GTF3C4: variants seen among roughly 807,000 people sequenced by gnomAD.
The protein encoded by GTF3C4 is general transcription factor IIIC subunit 4, also known as general transcription factor 3C polypeptide 4.
A neutral mutation model predicts 67.5 loss-of-function variants in GTF3C4; 28 were observed. That is an observed-to-expected ratio of 0.41 (90% CI 0.31 to 0.57). The LOEUF (loss-of-function observed/expected upper bound fraction) is 0.57. Among genes scored for constraint, GTF3C4 ranks in the 20% least tolerant of loss-of-function variants. The probability of loss-of-function intolerance (pLI) is 0.21; values close to 1 mark genes in which losing one functional copy is unlikely to be tolerated. For synonymous variants in GTF3C4, 409 were observed against 393.0 expected, an observed-to-expected ratio of 1.04 and a Z score of -0.48; for missense variants, 831 against 1,033.2, an observed-to-expected ratio of 0.80 and a Z score of 2.68.
At position 132,692,940 on chromosome 9, in the gene GTF3C4, A is replaced by G. The variant is rs910469056; in HGVS notation, c.*3995A>G. The G allele has an allele frequency of 6.6e-6, 1 of 152,234 alleles. No individual in the cohort carries two copies. The highest frequency in any genetic ancestry group is 6.5e-5 in the Admixed American group (1 of 15,284). The allele number at this position is 152,234 out of a possible 1,614,324, so 9.4% of individuals were successfully genotyped here. On this transcript the variant is annotated 3_prime_UTR_variant, in exon 5 of 5. Transcript: ENST00000372146. ...AAAGATCTGCTTCATGTCTGCTAGCATGGTATCTGCTGTTCAACCTAGTAT... is the reference window on the plus strand; with the variant it reads ...AAAGATCTGCTTCATGTCTGCTAGCGTGGTATCTGCTGTTCAACCTAGTAT...
intron 3 of GTF3C4, among the ~76,000 whole-genome samples, chr9:132,684,850 TC>T (rs949149162): frequency 3.3e-5 from 5 of 152,182 alleles, no homozygotes; most frequent in African/African-American, 1.2e-4. Flanking sequence ...GCATCCTCCT[TC>T]CTTGCGTTAT....
chr9:132,674,264 G>T (rs2130893947), intron 1 of GTF3C4, among the ~76,000 whole-genome samples: 1 of 152,376 alleles, frequency 6.6e-6, no homozygotes, highest in South Asian at 2.1e-4. Flanking sequence ...ACAATTAAAT[G>T]ATTGGCTGCG....
At position 132,688,868 on chromosome 9, in the gene GTF3C4, C is replaced by T; in HGVS notation, c.2405-13C>T. The T allele has an allele frequency of 1.2e-6, 2 of 1,601,070 alleles. No homozygotes were observed. Among genetic ancestry groups the T allele is most frequent in the Non-Finnish European group, 1.7e-6 (2 of 1,168,068 alleles). On this transcript the variant is annotated splice_polypyrimidine_tract_variant and intron_variant, in intron 4 of 4. Transcript: ENST00000372146. ...GAAGCTAACAGTTGATACCACTTGT[C>T]CTCCTTTTGCAGATCCCGACTGGAT... is the stretch of plus-strand genomic sequence containing the variant.
At position 132,670,515 on chromosome 9, in the gene GTF3C4, G is replaced by A. The variant is rs987225385; in HGVS notation, c.-84G>A. 3.5e-6 allele frequency: 4 copies of A among 1,138,082 alleles called. No individual in the cohort carries two copies. Among genetic ancestry groups the A allele is most frequent in the Non-Finnish European group, 4.7e-6 (4 of 854,232 alleles). 70.5% of individuals were successfully genotyped at this position (1,138,082 alleles called of 1,614,324 possible). On this transcript the variant is annotated 5_prime_UTR_variant, in exon 1 of 5. Transcript: ENST00000372146. Reference sequence around the variant, plus strand: ...AGGGGAGAAAACCGCCGCGGAGGGCGCTGGGGGTGGCGGCGGCGGTCCGGG... The same window carrying A: ...AGGGGAGAAAACCGCCGCGGAGGGCACTGGGGGTGGCGGCGGCGGTCCGGG...
chr9:132,692,813 AG>A lies in GTF3C4; in HGVS notation c.*3869del, dbSNP rs1243399892. 7.2e-5 allele frequency: 11 copies of A among 152,226 alleles called. No homozygotes were observed. Among genetic ancestry groups the A allele is most frequent in the African/African-American group, 2.4e-4 (10 of 41,460 alleles). The allele number at this position is 152,226 out of a possible 1,614,324, so 9.4% of individuals were successfully genotyped here. A position where few individuals can be genotyped will look rare whatever the true frequency, so the allele number is the denominator to read the frequency against. Reference sequence around the variant, plus strand: ...TGTTTTTATTTTTGCCATTAGTGCAAGTATCAACTGGCAGCCTCAAACAGCT... The same window carrying A: ...TGTTTTTATTTTTGCCATTAGTGCAATATCAACTGGCAGCCTCAAACAGCT... On this transcript the variant is annotated 3_prime_UTR_variant, in exon 5 of 5. Transcript: ENST00000372146.
rs537917283 is a variant in GTF3C4 at position 132,689,576 on chromosome 9, A to G, written c.*631A>G. ...CCAAGACTAAAATTTAATGTGTCAA[A>G]TGATCTGGTGACTATTATAATGAAT... On this transcript the variant is annotated 3_prime_UTR_variant, in exon 5 of 5. Coordinates refer to ENST00000372146, the MANE Select transcript of GTF3C4 (RefSeq NM_012204.4). 6.5e-6 allele frequency: 1 copy of G among 152,888 alleles called. No homozygotes were observed. Among genetic ancestry groups the G allele is most frequent in the Admixed American group, 6.5e-5 (1 of 15,394 alleles). The allele number at this position is 152,888 out of a possible 1,614,324, so 9.5% of individuals were successfully genotyped here.
At position 132,683,629 on chromosome 9, in the gene GTF3C4, A is replaced by G. The variant is rs773496457; in HGVS notation, c.2251A>G (p.Lys751Glu). ...QTFPEHCSLCKEILPFTDRKQ... is the reference protein window; with the variant it reads ...QTFPEHCSLCEEILPFTDRKQ... ...TTTCCCTGAGCACTGTAGTTTGTGT[A>G]AAGAGATCTTGCCATTCACAGATCG... is the stretch of plus-strand genomic sequence containing the variant. The change falls in exon 3 of 5, where the codon AAA (lysine) becomes GAA (glutamate). Residue 751 changes from lysine to glutamate, a missense_variant. Physicochemically the swap from Lys to Glu is moderately conservative, Grantham distance 56 (BLOSUM62 1). Transcript: ENST00000372146. The G allele has an allele frequency of 2.5e-6, 4 of 1,613,512 alleles. No homozygotes were observed. The highest frequency in any genetic ancestry group is 3.4e-6 in the Non-Finnish European group (4 of 1,179,702).
At position 132,679,801 on chromosome 9, in the gene GTF3C4, C is replaced by A. The variant is rs780594678; in HGVS notation, c.2182C>A (p.Arg728=). Residue 728 remains arginine (R), a splice_region_variant and synonymous_variant, in exon 2 of 5, where the codon CGG becomes AGG. Transcript: ENST00000372146. The surrounding 1 kb of genome is among the most constrained non-coding windows in gnomAD (Gnocchi z 5.9). ...SDEEYDDRTA[R]VLIGHISKKM... is the part of the protein sequence containing the mutation. ...TGAAGAGTATGATGACAGAACTGCA[C>A]GGGTAGGTGTTTATTAACAAAAACT... is the stretch of plus-strand genomic sequence containing the variant. 19 of 1,578,580 alleles carry A rather than the reference C, an allele frequency of 1.2e-5. No individual in the cohort carries two copies. The highest frequency in any genetic ancestry group is 1.4e-5 in the Non-Finnish European group (16 of 1,157,998).
Position 132,670,534 on chromosome 9 carries a change from G to T in GTF3C4, c.-65G>T. ...GAGGGCGCTGGGGGTGGCGGCGGCG[G>T]TCCGGGAGGTGGTCGCGCGACTGCG... is the stretch of plus-strand genomic sequence containing the variant. On this transcript the variant is annotated 5_prime_UTR_variant, in exon 1 of 5. Coordinates refer to ENST00000372146, the MANE Select transcript of GTF3C4 (RefSeq NM_012204.4). The T allele has an allele frequency of 8.0e-7, 1 of 1,242,692 alleles. No homozygotes were observed. The highest frequency in any genetic ancestry group is 3.6e-5 in the Admixed American group (1 of 28,168). 77.0% of individuals were successfully genotyped at this position (1,242,692 alleles called of 1,614,324 possible).
rs1835689932 is a variant in GTF3C4, at chr9:132,670,490, A to T, written c.-109A>T. On this transcript the variant is annotated 5_prime_UTR_variant, in exon 1 of 5. Transcript: ENST00000372146. ...TTGGCTCGGCGGCGCTCGGGGCCTGAGGGGAGAAAACCGCCGCGGAGGGCG... is the reference window on the plus strand; with the variant it reads ...TTGGCTCGGCGGCGCTCGGGGCCTGTGGGGAGAAAACCGCCGCGGAGGGCG... 9.6e-7 allele frequency: 1 copy of T among 1,040,244 alleles called. No individual in the cohort carries two copies. The allele number at this position is 1,040,244 out of a possible 1,614,324, so 64.4% of individuals were successfully genotyped here.
chr9:132,670,617 G>T lies in GTF3C4; in HGVS notation c.19G>T (p.Ala7Ser). The change falls in exon 1 of 5, where the codon GCC becomes TCC. Residue 7 changes from alanine (A) to serine (S), a missense_variant. Coordinates refer to ENST00000372146, the MANE Select transcript of GTF3C4 (RefSeq NM_012204.4). ...AGAGAAGATGAACACGGCCGACCAG[G>T]CCCGGGTGGGGCCCGCGGACGACGG... The part of the protein sequence containing the change: MNTADQ[A>S]RVGPADDGPA... 1.4e-6 allele frequency: 2 copies of T among 1,453,312 alleles called. No individual in the cohort carries two copies. The highest frequency in any genetic ancestry group is 2.6e-5 in the East Asian group (1 of 38,640). The allele number at this position is 1,453,312 out of a possible 1,614,324, so 90.0% of individuals were successfully genotyped here.
chr9:132,672,108 T>G (rs1422881710), intron 1 of GTF3C4, among the ~76,000 whole-genome samples: 1 of 152,224 alleles, frequency 6.6e-6, no homozygotes, highest in Non-Finnish European at 1.5e-5. Context: ...GAAGAAGATA[T>G]GAACACATTT....
upstream of GTF3C4, chr9:132,670,379 G>C (rs563813633): frequency 1.7e-6 from 2 of 1,211,098 alleles, no homozygotes; most frequent in Non-Finnish European, 2.2e-6. Context: ...GGTCCTCGGG[G>C]CTCCCCGCTC....
Position 132,679,835 on chromosome 9 carries a change from G to A in GTF3C4, c.2184+32G>A. On this transcript the variant is annotated intron_variant, in intron 2 of 4. Transcript: ENST00000372146. The surrounding 1 kb of genome is among the most constrained non-coding windows in gnomAD (Gnocchi z 5.9). ...GTTTATTAACAAAAACTCTGAAATTGTAAAGCCTGCTTTCTTCATGAGAAA... is the reference window on the plus strand; with the variant it reads ...GTTTATTAACAAAAACTCTGAAATTATAAAGCCTGCTTTCTTCATGAGAAA... The A allele has an allele frequency of 2.0e-6, 3 of 1,526,618 alleles. No homozygotes were observed. Among genetic ancestry groups the A allele is most frequent in the Admixed American group, 4.2e-5 (2 of 47,688 alleles). 94.6% of individuals were successfully genotyped at this position (1,526,618 alleles called of 1,614,324 possible).
rs917784831 is a variant in GTF3C4, at chr9:132,678,525, A to G, written c.906A>G (p.Ser302=). 2 of 1,614,072 alleles carry G rather than the reference A, an allele frequency of 1.2e-6. No homozygotes were observed. The highest frequency in any genetic ancestry group is 1.3e-5 in the African/African-American group (1 of 74,934). The change falls in exon 2 of 5, where the codon TCA becomes TCG. Residue 302 remains serine (S), a synonymous_variant. Transcript: ENST00000372146. The surrounding 1 kb of genome is among the most constrained non-coding windows in gnomAD (Gnocchi z 6.5). ...LPFVGKESIS[S]CNTIESGITS... is the part of the protein sequence containing the mutation. The stretch of plus-strand genomic sequence containing the variant: ...TTGTAGGAAAAGAATCCATCTCTTC[A>G]TGCAACACAATTGAGTCAGGAATCA...
chr9:132,690,328 C>CAGTT lies in GTF3C4; in HGVS notation c.*1385_*1388dup, dbSNP rs1284938844. 1 of 152,214 alleles carries CAGTT rather than the reference C, an allele frequency of 6.6e-6. No homozygotes were observed. The highest frequency in any genetic ancestry group is 1.5e-5 in the Non-Finnish European group (1 of 68,096). 9.4% of individuals were successfully genotyped at this position (152,214 alleles called of 1,614,324 possible). ...GCATGGTGGCGCATGCCTGTAATCT[C>CAGTT]AGTTACTCAGGAGGCTGAGGCAGGA... On this transcript the variant is annotated 3_prime_UTR_variant, in exon 5 of 5. Transcript: ENST00000372146.
upstream of GTF3C4, chr9:132,670,366 G>A (rs1835677353): frequency 7.9e-7 from 1 of 1,271,370 alleles, no homozygotes; most frequent in Non-Finnish European, 1.0e-6. Context: ...GCAGGGAAAA[G>A]GGGGTCCTCG....
In GTF3C4 at chr9:132,670,703, A is replaced by G. The variant is rs1039064566; in HGVS notation, c.105A>G (p.Pro35=). The G allele has an allele frequency of 3.9e-6, 6 of 1,524,910 alleles. No homozygotes were observed. The highest frequency in any genetic ancestry group is 5.2e-6 in the Non-Finnish European group (6 of 1,143,074). The allele number at this position is 1,524,910 out of a possible 1,614,324, so 94.5% of individuals were successfully genotyped here. ...GCGGCGAGGCGGGCGGGAAGGAGCCAGCAGCGGACGCGGCCCCGGGGCCCA... is the reference window on the plus strand; with the variant it reads ...GCGGCGAGGCGGGCGGGAAGGAGCCGGCAGCGGACGCGGCCCCGGGGCCCA... ...EGGGEAGGKE[P]AADAAPGPSA... The change falls in exon 1 of 5, where the codon CCA becomes CCG. Residue 35 remains proline, a synonymous_variant. Transcript: ENST00000372146.
Position 132,689,113 on chromosome 9 carries a change from C to G in GTF3C4, c.*168C>G. The G allele has an allele frequency of 1.6e-6, 1 of 608,222 alleles. No individual in the cohort carries two copies. 37.7% of individuals were successfully genotyped at this position (608,222 alleles called of 1,614,324 possible). Reference sequence around the variant, plus strand: ...GAGCTCATTTCTGAATCGCACTCTCCATTTCCAGAGACTAAAGGATGTCCT... The same window carrying G: ...GAGCTCATTTCTGAATCGCACTCTCGATTTCCAGAGACTAAAGGATGTCCT... On this transcript the variant is annotated 3_prime_UTR_variant, in exon 5 of 5. Coordinates refer to ENST00000372146, the MANE Select transcript of GTF3C4 (RefSeq NM_012204.4).
Sources: allele counts gnomAD v4.1 joint callset (sites outside exome capture counted in the v4.1 genomes callset), GRCh38; gene constraint gnomAD v4.1.1; non-coding constraint Gnocchi (gnomAD v3.1); transcripts MANE v1.5; gene names NCBI Gene and HGNC (gene_info 2026-07-23, HGNC 2026-07-21).